Variants in PMS1 observed in about 807,000 individuals in gnomAD.
The protein encoded by PMS1 is PMS1 protein homolog 1.
Under a neutral mutation model 93.1 loss-of-function variants are expected in PMS1, and 79 were observed. That is an observed-to-expected ratio of 0.85 (90% CI 0.71 to 1.02). The LOEUF is 1.02. PMS1 is among the 50% of genes least tolerant of loss of function. The pLI, the probability that PMS1 is intolerant of heterozygous loss-of-function variation, is 0.00. For missense variants in PMS1, 1,064 were observed against 1,085.3 expected, an observed-to-expected ratio of 0.98 and a Z score of 0.28; for synonymous variants, 335 against 363.4, an observed-to-expected ratio of 0.92 and a Z score of 0.89.
chr2:189,852,235 A>G (rs2054815765), intron 6 of PMS1, among the ~76,000 whole-genome samples: 2 of 152,160 alleles, frequency 1.3e-5, no homozygotes, highest in Non-Finnish European at 2.9e-5. Flanking sequence ...GAATGAAGAT[A>G]GAAACAGCAA....
At chr2:189,845,473 T>C (rs1466457833) in intron 6 of PMS1, among the ~76,000 whole-genome samples, 3 of 150,604 alleles carry the variant, frequency 2.0e-5, no homozygotes, top group Admixed American at 2.0e-4. Context: ...TTTTCAAAAG[T>C]TTTTTTTTAA....
At chr2:189,828,689 T>C (rs968938514) in intron 5 of PMS1, among the ~76,000 whole-genome samples, 2 of 152,212 alleles carry the variant, frequency 1.3e-5, no homozygotes, top group African/African-American at 4.8e-5. Flanking sequence ...TTAAGTTCAC[T>C]GTAATAAATA....
intron 4 of PMS1, among the ~76,000 whole-genome samples, chr2:189,816,145 C>T (rs1173214572): frequency 6.6e-6 from 1 of 152,040 alleles, no homozygotes; most frequent in Non-Finnish European, 1.5e-5. Context: ...CATCCTACTG[C>T]CTAAGGCTCC....
At chr2:189,870,748 T>C (rs966029211) in intron 11 of PMS1, among the ~76,000 whole-genome samples, 1 of 152,236 alleles carries the variant, frequency 6.6e-6, no homozygotes, top group African/African-American at 2.4e-5. Flanking sequence ...CTGATATTTT[T>C]GGCAATTTTC....
At chr2:189,828,478 A>G (rs1439590868) in intron 5 of PMS1, among the ~76,000 whole-genome samples, 1 of 152,236 alleles carries the variant, frequency 6.6e-6, no homozygotes, top group Non-Finnish European at 1.5e-5. Context: ...AAATGCTTTA[A>G]ACACTCAATT....
Position 189,795,941 on chromosome 2 carries a change from G to T in PMS1, c.305G>T (p.Cys102Phe), listed in dbSNP as rs761453284. The change falls in exon 3 of 13, where the codon TGT (cysteine) becomes TTT (phenylalanine). Residue 102 changes from cysteine to phenylalanine, a missense_variant. Physicochemically the swap from Cys to Phe is radical, Grantham distance 205. Transcript: ENST00000441310. ...GGAGAAGCCTTGGGGTCAATTTGTT[G>T]TATAGCTGAGGTAAGGTAATTATAT... Reference protein sequence around the residue: ...FRGEALGSICCIAEVLITTRT... With the variant: ...FRGEALGSICFIAEVLITTRT... 2 of 1,605,516 alleles carry T rather than the reference G, an allele frequency of 1.2e-6. No homozygotes were observed. The highest frequency in any genetic ancestry group is 1.7e-6 in the Non-Finnish European group (2 of 1,172,376).
In PMS1 at chr2:189,861,805, C is replaced by T. The variant is rs551311253; in HGVS notation, c.1857-1938C>T. On this transcript the variant is annotated intron_variant, in intron 9 of 12. Transcript: ENST00000441310. ...GCTCTGCATTGCTCTTTACAATATC[C>T]ATTATTTTTGCGGTTTCCTATTTGT... Among the ~76,000 whole-genome samples the T allele has an allele frequency of 4.0e-5, 6 of 151,340 alleles. No homozygotes were observed. The East Asian group carries it at 1.2e-3, about 29-fold the overall frequency.
chr2:189,853,044 T>G (rs1173258009), intron 7 of PMS1, among the ~76,000 whole-genome samples: 3 of 152,062 alleles, frequency 2.0e-5, no homozygotes, highest in Non-Finnish European at 4.4e-5. Flanking sequence ...GTTAGTAGTT[T>G]TTTTTGTTTT....
At chr2:189,863,208 T>G (rs1189773463) in intron 9 of PMS1, among the ~76,000 whole-genome samples, 2 of 149,882 alleles carry the variant, frequency 1.3e-5, no homozygotes, top group East Asian at 1.9e-4. Context: ...GTTTGTTTGT[T>G]TGTGTGTTTG....
At position 189,873,609 on chromosome 2, in the gene PMS1, A is replaced by G. The variant is rs774072907; in HGVS notation, c.2587A>G (p.Lys863Glu). Residue 863 changes from lysine to glutamate, a missense_variant, in exon 12 of 13, where the codon AAG (lysine) becomes GAG (glutamate). Lys to Glu is a moderately conservative substitution (Grantham distance 56, BLOSUM62 1). Coordinates refer to ENST00000441310, the MANE Select transcript of PMS1 (RefSeq NM_000534.5). ...ILNAILNRNAKEVYECRPRKV... is the reference protein window; with the variant it reads ...ILNAILNRNAEEVYECRPRKV... The stretch of plus-strand genomic sequence containing the variant: ...TAATGCTATATTAAACAGAAATGCA[A>G]AGGAAGTTTATGAATGTAGACCTCG... 1.2e-6 allele frequency: 2 copies of G among 1,607,056 alleles called. No homozygotes were observed. Among genetic ancestry groups the G allele is most frequent in the Non-Finnish European group, 1.7e-6 (2 of 1,173,640 alleles).
chr2:189,805,272 A>G (rs1272095442), intron 3 of PMS1, among the ~76,000 whole-genome samples: 2 of 152,202 alleles, frequency 1.3e-5, no homozygotes, highest in Non-Finnish European at 2.9e-5. Context: ...CCAAAGAACT[A>G]TTCATTTACC....
chr2:189,856,913 T>G (rs1004482222), intron 9 of PMS1, among the ~76,000 whole-genome samples: 1 of 152,092 alleles, frequency 6.6e-6, no homozygotes, highest in African/African-American at 2.4e-5. Flanking sequence ...TTACCATCAA[T>G]TACCGGAATA....
chr2:189,787,830 T>C (rs879407028), intron 1 of PMS1, among the ~76,000 whole-genome samples: 1 of 152,182 alleles, frequency 6.6e-6, no homozygotes, highest in Non-Finnish European at 1.5e-5. Context: ...AATACAGATA[T>C]CATATGCTTA....
At chr2:189,853,520 C>CTT (rs397976954) in intron 7 of PMS1, among the ~76,000 whole-genome samples, 219 of 141,388 alleles carry the variant, frequency 1.5e-3, no homozygotes, top group African/African-American at 5.1e-3. Context: ...CTTTTCTTTT[C>CTT]TTTTTTTTTT....
At chr2:189,791,301 A>G (rs1051662034) in intron 1 of PMS1, among the ~76,000 whole-genome samples, 1 of 152,134 alleles carries the variant, frequency 6.6e-6, no homozygotes, top group Non-Finnish European at 1.5e-5. Flanking sequence ...AATGGCACCT[A>G]TTTTCATAGG....
At chr2:189,834,389 G>A (rs1238647490) in intron 5 of PMS1, among the ~76,000 whole-genome samples, 1 of 152,196 alleles carries the variant, frequency 6.6e-6, no homozygotes. Flanking sequence ...ATGGGAATGT[G>A]TACTTCTTGT....
At chr2:189,805,511 C>T (rs1575079977) in intron 3 of PMS1, 141 bp from the exon 4 acceptor site, 1 of 746,276 alleles carries the variant, frequency 1.3e-6, no homozygotes. Flanking sequence ...AGGAATATTA[C>T]AAAAGAACTG....
At chr2:189,797,850 G>T (rs960246727) in intron 3 of PMS1, among the ~76,000 whole-genome samples, 1 of 152,198 alleles carries the variant, frequency 6.6e-6, no homozygotes, top group Non-Finnish European at 1.5e-5. Context: ...GCATAGGATA[G>T]TGTAGGTTTT....
intron 11 of PMS1, among the ~76,000 whole-genome samples, chr2:189,873,112 G>A (rs5743185): frequency 0.06 from 9,066 of 152,220 alleles, 384 homozygotes; most frequent in Non-Finnish European, 0.092. Flanking sequence ...TAATTCAGGC[G>A]TTTAGATATT....
Sources: gnomAD v4.1 joint callset for allele counts (sites outside exome capture counted in the v4.1 genomes callset) on GRCh38, gnomAD v4.1.1 for gene constraint, MANE v1.5 for transcripts, NCBI Gene and HGNC (gene_info 2026-07-23, HGNC 2026-07-21) for gene names.